FMN1: variants seen among roughly 807,000 people sequenced by gnomAD.
FMN1 encodes the protein formin-1.
FMN1 carries 110 observed loss-of-function variants against 132.4 expected under a neutral mutation model. The ratio of observed to expected loss-of-function variants is 0.83; its 90% CI spans 0.71 to 0.97. The LOEUF is 0.97. FMN1 is among the 50% of genes least tolerant of loss of function. FMN1 has a pLI of 0.00. For missense variants in FMN1, 1,792 were observed against 1,705.3 expected (o/e 1.05, Z -0.90); for synonymous variants, 722 against 651.7 (o/e 1.11, Z -1.64).
At chr15:32,799,719 G>T (rs1169998757) in intron 18 of FMN1, among the ~76,000 whole-genome samples, 1 of 152,102 alleles carries the variant, frequency 6.6e-6, no homozygotes, top group African/African-American at 2.4e-5. Context: ...TCCCAGCAAG[G>T]CTCACTGCAC....
intron 4 of FMN1, among the ~76,000 whole-genome samples, chr15:33,116,901 G>C (rs868837757): frequency 6.6e-6 from 1 of 151,478 alleles, no homozygotes; most frequent in Non-Finnish European, 1.5e-5. Context: ...TAAAGAAAAC[G>C]AAGTACTTGA....
At chr15:33,016,575 A>T (rs1352900944) in intron 6 of FMN1, among the ~76,000 whole-genome samples, 1 of 152,210 alleles carries the variant, frequency 6.6e-6, no homozygotes, top group Non-Finnish European at 1.5e-5. Flanking sequence ...AGTAGTCAAC[A>T]GCTGCCAGCA....
At chr15:33,043,421 G>C (rs2036532219) in intron 6 of FMN1, among the ~76,000 whole-genome samples, 1 of 152,150 alleles carries the variant, frequency 6.6e-6, no homozygotes, top group African/African-American at 2.4e-5. Flanking sequence ...TTGTTCCTGT[G>C]TCTCACTTCC....
chr15:32,920,559 C>A (rs1233959844), intron 10 of FMN1, among the ~76,000 whole-genome samples: 1 of 152,178 alleles, frequency 6.6e-6, no homozygotes, highest in Non-Finnish European at 1.5e-5. Flanking sequence ...CTAGCCCTAT[C>A]CGCTTACCAC....
At chr15:33,009,528 T>C (rs1019989157) in intron 6 of FMN1, among the ~76,000 whole-genome samples, 3 of 152,232 alleles carry the variant, frequency 2.0e-5, no homozygotes, top group Non-Finnish European at 4.4e-5. Flanking sequence ...TTGCCATTCC[T>C]TGAACTTGTC....
chr15:33,056,286 T>G (rs969890507), intron 6 of FMN1, among the ~76,000 whole-genome samples: 5 of 152,208 alleles, frequency 3.3e-5, no homozygotes, highest in African/African-American at 1.2e-4. Flanking sequence ...AAGAAAAACC[T>G]TAGCCAAATT....
chr15:33,047,279 C>T (rs1348166621), intron 6 of FMN1, among the ~76,000 whole-genome samples: 7 of 152,198 alleles, frequency 4.6e-5, no homozygotes, highest in Non-Finnish European at 1.0e-4. Flanking sequence ...CTGTTTGCCA[C>T]CTCTTTGAAA....
intron 11 of FMN1, 71 bp downstream of exon 11, chr15:32,910,403 G>T: frequency 8.0e-7 from 1 of 1,256,494 alleles, no homozygotes; most frequent in South Asian, 1.3e-5. Flanking sequence ...CAAAGAACAT[G>T]AACAGCTCAG....
At chr15:32,977,910 T>C (rs72719359) in intron 7 of FMN1, among the ~76,000 whole-genome samples, 3,177 of 150,654 alleles carry the variant, frequency 0.021, 66 homozygotes, top group Middle Eastern at 0.051. Context: ...CAGGCTGGAG[T>C]GCATGGCACA....
chr15:33,056,900 G>A (rs191430803), intron 6 of FMN1, among the ~76,000 whole-genome samples: 1 of 152,266 alleles, frequency 6.6e-6, no homozygotes, highest in Non-Finnish European at 1.5e-5. Context: ...AACTAGGCCG[G>A]GCACAGTGGC....
chr15:32,997,138 G>T (rs1293855023), intron 7 of FMN1, among the ~76,000 whole-genome samples: 1 of 152,142 alleles, frequency 6.6e-6, no homozygotes, highest in Non-Finnish European at 1.5e-5. Context: ...AAGTATTAGA[G>T]GCACTTCCTC....
intron 4 of FMN1, among the ~76,000 whole-genome samples, chr15:33,090,324 G>C (rs547266203): frequency 6.6e-6 from 1 of 152,288 alleles, no homozygotes; most frequent in East Asian, 1.9e-4. Context: ...GAGAGTAAAA[G>C]TCAGCTCAGA....
intron 15 of FMN1, among the ~76,000 whole-genome samples, chr15:32,897,934 C>G (rs1369711206): frequency 1.3e-5 from 2 of 152,158 alleles, no homozygotes; most frequent in African/African-American, 4.8e-5. Context: ...TAGCCAAAAA[C>G]TATCAAAAAC....
chr15:33,015,833 T>C (rs535010913), intron 6 of FMN1, among the ~76,000 whole-genome samples: 82 of 152,370 alleles, frequency 5.4e-4, no homozygotes, highest in African/African-American at 1.9e-3. Context: ...CAGTTAAATG[T>C]TTTAATGTGC....
chr15:32,992,984 TGTAA>T (rs1349793921), intron 7 of FMN1, among the ~76,000 whole-genome samples: 1 of 152,222 alleles, frequency 6.6e-6, no homozygotes, highest in East Asian at 1.9e-4. Context: ...AAGATTGTTC[TGTAA>T]GTGACACAGG....
rs946497651 is a variant in FMN1 at position 33,035,130 on chromosome 15, T to C, written c.2162-27055A>G. On this transcript the variant is annotated intron_variant, in intron 6 of 20. Coordinates refer to ENST00000616417, the MANE Select transcript of FMN1 (RefSeq NM_001277313.2). ...AACATATTTTTAATTGTGATACACA[T>C]ACATATGTACTCCTTTATTATCACA... Among the ~76,000 whole-genome samples, 16 of 152,214 alleles carry C rather than the reference T, an allele frequency of 1.1e-4. No homozygotes were observed. The South Asian group carries it at 3.1e-3, about 30-fold the overall frequency.
chr15:33,056,464 T>C (rs546877558), intron 6 of FMN1, among the ~76,000 whole-genome samples: 25 of 152,282 alleles, frequency 1.6e-4, no homozygotes, highest in Non-Finnish European at 3.5e-4. Flanking sequence ...AACAGCCAGA[T>C]TGGTTACAGC....
At chr15:33,024,233 T>A in intron 6 of FMN1, among the ~76,000 whole-genome samples, 1 of 29,056 alleles carries the variant, frequency 3.4e-5, no homozygotes. Flanking sequence ...ATTTTTTTTT[T>A]TTTTTTTTTT....
At chr15:33,047,204 C>A (rs994197536) in intron 6 of FMN1, among the ~76,000 whole-genome samples, 3 of 152,212 alleles carry the variant, frequency 2.0e-5, no homozygotes, top group African/African-American at 7.2e-5. Flanking sequence ...TGAGCATCTT[C>A]TAGCTTCCCT....
Sources: allele counts gnomAD v4.1 joint callset (sites outside exome capture counted in the v4.1 genomes callset), GRCh38; gene constraint gnomAD v4.1.1; transcripts MANE v1.5; gene names NCBI Gene and HGNC (gene_info 2026-07-23, HGNC 2026-07-21).